ALK: variants seen among roughly 807,000 people sequenced by gnomAD.
ALK encodes ALK receptor tyrosine kinase.
ALK carries 74 observed loss-of-function variants against 163.1 expected under a neutral mutation model. The observed-to-expected ratio is 0.45, with a 90% confidence interval of 0.38 to 0.55. The LOEUF (loss-of-function observed/expected upper bound fraction) is 0.55, where lower values mean the gene tolerates loss of function less well. Ranked by LOEUF, ALK falls within the 20% of genes least tolerant of loss-of-function variation. The pLI is 0.00. For synonymous variants in ALK, 960 were observed against 843.2 expected, an observed-to-expected ratio of 1.14 and a Z score of -2.40; for missense variants, 2,063 against 2,105.3, an observed-to-expected ratio of 0.98 and a Z score of 0.39.
At chr2:29,604,415 C>A (rs1387822832) in intron 3 of ALK, among the ~76,000 whole-genome samples, 3 of 152,146 alleles carry the variant, frequency 2.0e-5, no homozygotes, top group Non-Finnish European at 4.4e-5. Context: ...TCAGGGATTA[C>A]ACTCAGATCT....
chr2:29,693,405 C>CCA (rs1678458095), intron 3 of ALK, among the ~76,000 whole-genome samples: 2 of 52,148 alleles, frequency 3.8e-5, no homozygotes, highest in Non-Finnish European at 9.4e-5. Flanking sequence ...GAGCACTCAC[C>CCA]TACACACACA....
At chr2:29,252,144 ACACAGGAACACTCAG>A (rs749894470) in intron 11 of ALK, among the ~76,000 whole-genome samples, 1 of 151,916 alleles carries the variant, frequency 6.6e-6, no homozygotes, top group Non-Finnish European at 1.5e-5. Context: ...TCTGGGGGCA[ACACAGGAACACTCAG>A]CACAAACTGC....
chr2:29,349,978 G>A (rs1354820254), intron 5 of ALK, among the ~76,000 whole-genome samples: 1 of 152,224 alleles, frequency 6.6e-6, no homozygotes, highest in Non-Finnish European at 1.5e-5. Context: ...ACCCACTCAA[G>A]GTAGAGGGAG....
At chr2:29,258,806 C>A (rs1235233614) in intron 11 of ALK, among the ~76,000 whole-genome samples, 1 of 152,162 alleles carries the variant, frequency 6.6e-6, no homozygotes. Flanking sequence ...CTGGAATCAA[C>A]CGTTTCCTCA....
At chr2:29,497,108 T>TA (rs1407243579) in intron 4 of ALK, among the ~76,000 whole-genome samples, 1 of 152,028 alleles carries the variant, frequency 6.6e-6, no homozygotes, top group Non-Finnish European at 1.5e-5. Context: ...CCGTCTCTAC[T>TA]AAAAAATATG....
At chr2:29,608,642 C>T (rs1199441938) in intron 3 of ALK, among the ~76,000 whole-genome samples, 1 of 152,206 alleles carries the variant, frequency 6.6e-6, no homozygotes, top group African/African-American at 2.4e-5. Context: ...ATGGACGATG[C>T]TTGCTCCTTG....
intron 1 of ALK, among the ~76,000 whole-genome samples, chr2:29,735,801 G>T (rs1208868601): frequency 6.6e-6 from 1 of 151,970 alleles, no homozygotes; most frequent in Non-Finnish European, 1.5e-5. Context: ...GGACATATTT[G>T]CTTCAATTTC....
chr2:29,724,026 C>A (rs919840754), intron 1 of ALK, among the ~76,000 whole-genome samples: 1 of 152,186 alleles, frequency 6.6e-6, no homozygotes, highest in Non-Finnish European at 1.5e-5. Flanking sequence ...CACTGCATGT[C>A]TATTTATTCC....
chr2:29,500,624 C>T (rs536245548), intron 4 of ALK, among the ~76,000 whole-genome samples: 26 of 152,220 alleles, frequency 1.7e-4, no homozygotes, highest in African/African-American at 6.0e-4. Context: ...GACTTCACCT[C>T]CTCCCTGCTC....
At chr2:29,235,270 A>G (rs553916173) in intron 13 of ALK, among the ~76,000 whole-genome samples, 4 of 152,352 alleles carry the variant, frequency 2.6e-5, no homozygotes, top group East Asian at 1.9e-4. Flanking sequence ...CCAGTAAAAC[A>G]TCACATTTCC....
intron 4 of ALK, among the ~76,000 whole-genome samples, chr2:29,409,102 G>A (rs1050530006): frequency 4.6e-5 from 7 of 152,270 alleles, no homozygotes; most frequent in East Asian, 3.9e-4. Context: ...TAATGTAAGC[G>A]AAGGAGAGAC....
chr2:29,476,197 C>T (rs1268733415), intron 4 of ALK, among the ~76,000 whole-genome samples: 1 of 152,164 alleles, frequency 6.6e-6, no homozygotes, highest in Non-Finnish European at 1.5e-5. Context: ...ATGCTGCCCT[C>T]TCCTCCCCAT....
chr2:29,313,971 T>TC (rs1275491740), intron 8 of ALK, among the ~76,000 whole-genome samples: 22 of 152,258 alleles, frequency 1.4e-4, no homozygotes, highest in South Asian at 4.1e-4. Flanking sequence ...CCTCTCTTTT[T>TC]CCCATCTTCA....
intron 3 of ALK, among the ~76,000 whole-genome samples, chr2:29,604,230 G>T (rs547170225): frequency 7.4e-5 from 11 of 149,042 alleles, no homozygotes; most frequent in Non-Finnish European, 1.5e-4. Context: ...ATTTTATGAC[G>T]TGAGGATTAC....
At chr2:29,759,288 C>A (rs1157066208) in intron 1 of ALK, among the ~76,000 whole-genome samples, 2 of 152,134 alleles carry the variant, frequency 1.3e-5, no homozygotes, top group Non-Finnish European at 2.9e-5. Context: ...GGCAAGTTAG[C>A]TAACTGTATG....
rs1386688188 is a variant in ALK at position 29,223,320 on chromosome 2, A to C, written c.3359+22T>G. 5.6e-6 allele frequency: 9 copies of C among 1,613,698 alleles called. No individual in the cohort carries two copies. In the Admixed American group the frequency reaches 8.3e-5, roughly 15 times the overall value. ...CCCTACACTGCACCCCTCTCCTCCC[A>C]GGACGGCAGCAGGGCGCTCACCGAA... On this transcript the variant is annotated intron_variant, in intron 20 of 28. Transcript: ENST00000389048.
At position 29,908,825 on chromosome 2, in the gene ALK, G is replaced by A. The variant is rs547184178; in HGVS notation, c.667+11168C>T. Among the ~76,000 whole-genome samples, 9 of 152,314 alleles carry A rather than the reference G, an allele frequency of 5.9e-5. No individual in the cohort carries two copies. In the East Asian group the frequency reaches 1.7e-3, roughly 29 times the overall value. ...GCTGCACCATTTGTTTAGCATTCAA[G>A]TGCTGCCTTTTATTGGAGTTATTTA... On this transcript the variant is annotated intron_variant, in intron 1 of 28. Transcript: ENST00000389048.
At chr2:29,554,053 A>T (rs1673781358) in intron 3 of ALK, among the ~76,000 whole-genome samples, 1 of 152,196 alleles carries the variant, frequency 6.6e-6, no homozygotes, top group South Asian at 2.1e-4. Context: ...TTATGCTATC[A>T]AATCTTATAT....
chr2:29,240,161 A>G (rs13397779), intron 12 of ALK, among the ~76,000 whole-genome samples: 7 of 143,648 alleles, frequency 4.9e-5, no homozygotes, highest in African/African-American at 2.0e-4. Context: ...GCAGAGAGAG[A>G]GAGAGAGAGA....
Sources: gnomAD v4.1 joint callset for allele counts (sites outside exome capture counted in the v4.1 genomes callset) on GRCh38, gnomAD v4.1.1 for gene constraint, MANE v1.5 for transcripts, NCBI Gene and HGNC (gene_info 2026-07-23, HGNC 2026-07-21) for gene names.